Variants in KIAA1328 observed in about 807,000 individuals in gnomAD.
KIAA1328 encodes protein hinderin.
A neutral mutation model predicts 68.1 loss-of-function variants in KIAA1328; 52 were observed. That is an observed-to-expected ratio of 0.76 (90% CI 0.61 to 0.96). The LOEUF (loss-of-function observed/expected upper bound fraction) is 0.96, where lower values mean the gene tolerates loss of function less well. KIAA1328 is among the 40% of genes least tolerant of loss of function. The pLI, the probability that KIAA1328 is intolerant of heterozygous loss-of-function variation, is 0.00. For synonymous variants in KIAA1328, 232 were observed against 239.4 expected (o/e 0.97, Z 0.28); for missense variants, 641 against 677.6 (o/e 0.95, Z 0.60).
At chr18:36,982,106 T>G (rs1390609755) in intron 6 of KIAA1328, among the ~76,000 whole-genome samples, 1 of 142,734 alleles carries the variant, frequency 7.0e-6, no homozygotes, top group Non-Finnish European at 1.5e-5. Flanking sequence ...ATATATAATA[T>G]AATTATATAA....
At chr18:37,101,095 TA>T (rs2057599168) in intron 7 of KIAA1328, among the ~76,000 whole-genome samples, 1 of 152,022 alleles carries the variant, frequency 6.6e-6, no homozygotes, top group Admixed American at 6.6e-5. Flanking sequence ...AACGAAACTC[TA>T]AATATCAGAG....
intron 6 of KIAA1328, among the ~76,000 whole-genome samples, chr18:36,977,944 T>C (rs1287944461): frequency 6.6e-6 from 1 of 151,916 alleles, no homozygotes; most frequent in African/African-American, 2.4e-5. Flanking sequence ...CCACCCTCCC[T>C]GGCTAATTTT....
At chr18:36,851,844 T>A (rs2047221183) in intron 4 of KIAA1328, among the ~76,000 whole-genome samples, 1 of 150,442 alleles carries the variant, frequency 6.6e-6, no homozygotes, top group African/African-American at 2.4e-5. Context: ...AGTTTGCTTT[T>A]GGTTTCTAGT....
At chr18:36,910,407 G>A (rs1233346439) in intron 5 of KIAA1328, among the ~76,000 whole-genome samples, 2 of 151,894 alleles carry the variant, frequency 1.3e-5, no homozygotes, top group Non-Finnish European at 2.9e-5. Context: ...GTTTTTTTCA[G>A]GTTTGTCAAA....
intron 4 of KIAA1328, among the ~76,000 whole-genome samples, chr18:36,870,189 T>C (rs1323716864): frequency 6.6e-6 from 1 of 152,128 alleles, no homozygotes; most frequent in African/African-American, 2.4e-5. Context: ...CCATATAAAT[T>C]TTCAGGTTTT....
intron 7 of KIAA1328, among the ~76,000 whole-genome samples, chr18:37,096,295 T>C (rs2057404769): frequency 6.6e-6 from 1 of 152,168 alleles, no homozygotes; most frequent in Non-Finnish European, 1.5e-5. Flanking sequence ...TTCTCATTGT[T>C]CAATTCCCAC....
intron 4 of KIAA1328, among the ~76,000 whole-genome samples, chr18:36,879,555 C>T (rs2048260409): frequency 6.6e-6 from 1 of 152,226 alleles, no homozygotes; most frequent in Non-Finnish European, 1.5e-5. Flanking sequence ...AGCTTGAGCA[C>T]TATGCTGGGA....
intron 4 of KIAA1328, among the ~76,000 whole-genome samples, chr18:36,855,006 T>C (rs2047336623): frequency 6.6e-6 from 1 of 152,230 alleles, no homozygotes; most frequent in African/African-American, 2.4e-5. Flanking sequence ...TTATGCTAAA[T>C]CAGATTCTAT....
chr18:37,070,128 T>A (rs2056474935), intron 7 of KIAA1328, among the ~76,000 whole-genome samples: 1 of 152,094 alleles, frequency 6.6e-6, no homozygotes. Context: ...TTCTTAAAGA[T>A]TTTCCTGTTT....
chr18:36,878,375 A>G (rs1282712435), intron 4 of KIAA1328, among the ~76,000 whole-genome samples: 8 of 152,258 alleles, frequency 5.3e-5, no homozygotes, highest in Non-Finnish European at 1.2e-4. Flanking sequence ...TTTCTGCAGA[A>G]AGATCCGTTG....
intron 5 of KIAA1328, among the ~76,000 whole-genome samples, chr18:36,915,541 G>A (rs2151087908): frequency 6.6e-6 from 1 of 152,230 alleles, no homozygotes; most frequent in East Asian, 1.9e-4. Flanking sequence ...ACCAAGGACA[G>A]CATAGTACGG....
intron 5 of KIAA1328, 108 bp downstream of exon 5, chr18:36,885,780 C>T (rs919112581): frequency 7.7e-6 from 5 of 646,976 alleles, no homozygotes; most frequent in African/African-American, 1.9e-5. Flanking sequence ...TGCAATGGTG[C>T]GATTTCAGTT....
At chr18:37,220,930 G>C (rs541772328) in intron 9 of KIAA1328, among the ~76,000 whole-genome samples, 1 of 152,148 alleles carries the variant, frequency 6.6e-6, no homozygotes, top group African/African-American at 2.4e-5. Flanking sequence ...AGGTTCAAGC[G>C]ATTCTCCTGC....
At chr18:37,018,794 T>G (rs1317020140) in intron 6 of KIAA1328, among the ~76,000 whole-genome samples, 1 of 152,174 alleles carries the variant, frequency 6.6e-6, no homozygotes, top group Admixed American at 6.5e-5. Context: ...ATGATTTTTT[T>G]TTTAATGATT....
At chr18:36,928,222 T>A (rs1308758192) in intron 5 of KIAA1328, among the ~76,000 whole-genome samples, 1 of 152,158 alleles carries the variant, frequency 6.6e-6, no homozygotes, top group East Asian at 1.9e-4. Context: ...ATATTAATTA[T>A]TGCTGTCTAT....
At chr18:37,117,173 G>C (rs1211024201) in intron 7 of KIAA1328, among the ~76,000 whole-genome samples, 1 of 152,096 alleles carries the variant, frequency 6.6e-6, no homozygotes, top group Non-Finnish European at 1.5e-5. Flanking sequence ...AAATCATGCT[G>C]CTATAAAGAC....
chr18:36,967,343 G>T (rs1038722404), intron 6 of KIAA1328, among the ~76,000 whole-genome samples: 11 of 152,168 alleles, frequency 7.2e-5, no homozygotes, highest in Non-Finnish European at 2.9e-5. Context: ...GCTATATTCT[G>T]TCAGCAACCT....
chr18:36,921,983 A>C (rs1267478417), intron 5 of KIAA1328, among the ~76,000 whole-genome samples: 1 of 151,916 alleles, frequency 6.6e-6, no homozygotes, highest in Non-Finnish European at 1.5e-5. Flanking sequence ...GCCAGAGTGC[A>C]ATGGCACGAT....
intron 5 of KIAA1328, among the ~76,000 whole-genome samples, chr18:36,936,642 G>T (rs1232719924): frequency 2.0e-5 from 3 of 152,144 alleles, no homozygotes; most frequent in Non-Finnish European, 4.4e-5. Context: ...TAATGGGATT[G>T]TTGGGTCAAA....
Sources: allele counts gnomAD v4.1 joint callset (sites outside exome capture counted in the v4.1 genomes callset), GRCh38; gene constraint gnomAD v4.1.1; transcripts MANE v1.5; gene names NCBI Gene and HGNC (gene_info 2026-07-23, HGNC 2026-07-21).